IL2RA: variants seen among roughly 807,000 people sequenced by gnomAD.
IL2RA encodes interleukin 2 receptor subunit alpha.
Under a neutral mutation model 37.8 loss-of-function variants are expected in IL2RA, and 24 were observed. The observed-to-expected ratio is 0.63, with a 90% CI of 0.46 to 0.89. IL2RA has a LOEUF of 0.89. Among genes scored for constraint, IL2RA ranks in the 40% least tolerant of loss-of-function variants. IL2RA has a pLI of 0.00. For missense variants in IL2RA, 319 were observed against 348.6 expected, an observed-to-expected ratio of 0.92 and a Z score of 0.68; for synonymous variants, 125 against 114.6, an observed-to-expected ratio of 1.09 and a Z score of -0.58.
At chr10:6,053,829 TTTC>T (rs951376985) in intron 1 of IL2RA, among the ~76,000 whole-genome samples, 2 of 152,208 alleles carry the variant, frequency 1.3e-5, no homozygotes, top group African/African-American at 4.8e-5. Context: ...AACATTGCTC[TTTC>T]TTCTTCTTTT....
rs1184517555 is a variant in IL2RA at position 6,015,834 on chromosome 10, G to GAC, written c.794+2217_794+2218dup. On this transcript the variant is annotated intron_variant, in intron 7 of 7. Coordinates refer to ENST00000379959, the MANE Select transcript of IL2RA (RefSeq NM_000417.3). This position sits in a 1 kb window ranked among gnomAD's most constrained non-coding sequence, Gnocchi z 4.9. ...ACATCTGAGGGGCTTTAAAACGTACGACTATCCCAGACATAAAAGGCCACG... is the reference window on the plus strand; with the variant it reads ...ACATCTGAGGGGCTTTAAAACGTACGACACTATCCCAGACATAAAAGGCCACG... 6.6e-6 allele frequency among the ~76,000 whole-genome samples: 1 copy of GAC among 152,092 alleles called. No individual in the cohort carries two copies. Among genetic ancestry groups the GAC allele is most frequent in the Non-Finnish European group, 1.5e-5 (1 of 68,026 alleles).
At chr10:6,043,575 A>T (rs757817029) in intron 1 of IL2RA, among the ~76,000 whole-genome samples, 4 of 152,076 alleles carry the variant, frequency 2.6e-5, no homozygotes, top group African/African-American at 7.2e-5. Context: ...AGAAGCTGGG[A>T]TTACAAGCGC....
chr10:6,032,768 A>G (rs1395315923), intron 1 of IL2RA, among the ~76,000 whole-genome samples: 1 of 152,198 alleles, frequency 6.6e-6, no homozygotes, highest in East Asian at 1.9e-4. Context: ...TATATTTGTC[A>G]CAAATACTTG....
Position 6,028,395 on chromosome 10 carries a change from G to A in IL2RA, c.65-2370C>T, listed in dbSNP as rs889879204. On this transcript the variant is annotated intron_variant, in intron 1 of 7. Coordinates refer to ENST00000379959, the MANE Select transcript of IL2RA (RefSeq NM_000417.3). This position sits in a 1 kb window ranked among gnomAD's most constrained non-coding sequence, Gnocchi z 4.1. ...TGCTAAGTTTTATTTATAAAAACAG[G>A]TGTCTGAGCTGTGGGTTGTAGTTTT... is the stretch of plus-strand genomic sequence containing the variant. 5.9e-5 allele frequency among the ~76,000 whole-genome samples: 9 copies of A among 152,310 alleles called. No homozygotes were observed. In the Middle Eastern group the frequency reaches 0.01, roughly 173 times the overall value.
chr10:6,021,507 G>A lies in IL2RA; in HGVS notation c.554C>T (p.Thr185Ile), dbSNP rs2132853580. ...TRWTQPQLIC[T>I]GEMETSQFPG... ...AAACTGACTGGTCTCCATTTCACCT[G>A]TGCATATGAGCTGGGGCTGGGTCCA... The change falls in exon 4 of 8, where the codon ACA becomes ATA. Residue 185 changes from threonine to isoleucine, a missense_variant. By Grantham distance (89) the Thr-to-Ile change is moderately conservative. Coordinates refer to ENST00000379959, the MANE Select transcript of IL2RA (RefSeq NM_000417.3). The surrounding 1 kb of genome is among the most constrained non-coding windows in gnomAD (Gnocchi z 4.9). 4 of 1,614,068 alleles carry A rather than the reference G, an allele frequency of 2.5e-6. No homozygotes were observed. The highest frequency in any genetic ancestry group is 4.5e-5 in the East Asian group (2 of 44,874).
At position 6,044,198 on chromosome 10, in the gene IL2RA, G is replaced by C. The variant is rs554805563; in HGVS notation, c.64+17890C>G. 6.6e-6 allele frequency among the ~76,000 whole-genome samples: 1 copy of C among 152,250 alleles called. No homozygotes were observed. Among genetic ancestry groups the C allele is most frequent in the African/African-American group, 2.4e-5 (1 of 41,472 alleles). ...TAGTGATGCAGGACAAGCGAGCCCC[G>C]AGGTGGGGCTTAGCCCGCAAGGGTT... On this transcript the variant is annotated intron_variant, in intron 1 of 7. Transcript: ENST00000379959. The surrounding 1 kb of genome is among the most constrained non-coding windows in gnomAD (Gnocchi z 4.5).
Position 6,025,954 on chromosome 10 carries a change from TG to T in IL2RA, c.135del (p.Met46CysfsTer2). The part of the protein sequence containing the change: ...TFKAMAYKEG[T>X]MLNCECKRGF... ...CCTCTCTTGCATTCACAGTTCAACA[TG>T]GTTCCTTCCTTGTAGGCCATGGCTT... On this transcript the variant is annotated frameshift_variant, in exon 2 of 8. Transcript: ENST00000379959. LOFTEE classifies it high-confidence loss of function. This position sits in a 1 kb window ranked among gnomAD's most constrained non-coding sequence, Gnocchi z 4.4. 3 of 1,614,202 alleles carry T rather than the reference TG, an allele frequency of 1.9e-6. No homozygotes were observed. The highest frequency in any genetic ancestry group is 1.7e-6 in the Non-Finnish European group (2 of 1,180,034).
chr10:6,032,564 G>A (rs1005068763), intron 1 of IL2RA, among the ~76,000 whole-genome samples: 3 of 152,026 alleles, frequency 2.0e-5, no homozygotes, highest in African/African-American at 7.2e-5. Flanking sequence ...GTGGTGGTGT[G>A]CGCCTGTAGT....
Position 6,020,425 on chromosome 10 carries a change from C to G in IL2RA, c.584-484G>C, listed in dbSNP as rs541437033. Among the ~76,000 whole-genome samples the G allele has an allele frequency of 6.6e-6, 1 of 152,206 alleles. No homozygotes were observed. Among genetic ancestry groups the G allele is most frequent in the East Asian group, 1.9e-4 (1 of 5,180 alleles). ...GCATTCCCTGGCTGTCAGGGTGGCC[C>G]AGGGAAGCAGCTAAGGGAACAAAAC... On this transcript the variant is annotated intron_variant, in intron 4 of 7. Coordinates refer to ENST00000379959, the MANE Select transcript of IL2RA (RefSeq NM_000417.3). The surrounding 1 kb of genome is among the most constrained non-coding windows in gnomAD (Gnocchi z 5.6).
chr10:6,050,093 T>G (rs1042957921), intron 1 of IL2RA, among the ~76,000 whole-genome samples: 1 of 152,148 alleles, frequency 6.6e-6, no homozygotes, highest in African/African-American at 2.4e-5. Flanking sequence ...TGGAAATGAC[T>G]GGAGCTCTTG....
At chr10:6,023,852 C>T (rs911493407) in intron 3 of IL2RA, among the ~76,000 whole-genome samples, 1 of 152,198 alleles carries the variant, frequency 6.6e-6, no homozygotes, top group Non-Finnish European at 1.5e-5. Flanking sequence ...TTGTCTTGTG[C>T]TTAAGGGGAA....
rs567906848 is a variant in IL2RA, at chr10:6,022,752, C to G, written c.368-1059G>C. On this transcript the variant is annotated intron_variant, in intron 3 of 7. Coordinates refer to ENST00000379959, the MANE Select transcript of IL2RA (RefSeq NM_000417.3). This position sits in a 1 kb window ranked among gnomAD's most constrained non-coding sequence, Gnocchi z 4.7. ...ATGTTTGAATTGGGTTTGCTTCTTT[C>G]CAATGAAAACACCCAAACTGAGACA... Among the ~76,000 whole-genome samples, 1 of 152,344 alleles carries G rather than the reference C, an allele frequency of 6.6e-6. No homozygotes were observed. The highest frequency in any genetic ancestry group is 2.1e-4 in the South Asian group (1 of 4,830).
chr10:6,057,631 G>A lies in IL2RA; in HGVS notation c.64+4457C>T, dbSNP rs1030459985. ...TGGCCCACTTTCTGCTTCCTGCAAGGTTTATTTTCCTGCTAATTCTATTCC... is the reference window on the plus strand; with the variant it reads ...TGGCCCACTTTCTGCTTCCTGCAAGATTTATTTTCCTGCTAATTCTATTCC... On this transcript the variant is annotated intron_variant, in intron 1 of 7. Coordinates refer to ENST00000379959, the MANE Select transcript of IL2RA (RefSeq NM_000417.3). This position sits in a 1 kb window ranked among gnomAD's most constrained non-coding sequence, Gnocchi z 4.8. Among the ~76,000 whole-genome samples the A allele has an allele frequency of 3.7e-4, 56 of 152,074 alleles. No individual in the cohort carries two copies. The highest frequency in any genetic ancestry group is 1.3e-3 in the African/African-American group (55 of 41,408).
intron 3 of IL2RA, among the ~76,000 whole-genome samples, chr10:6,023,940 C>T (rs1035518451): frequency 6.6e-6 from 1 of 152,232 alleles, no homozygotes; most frequent in Admixed American, 6.5e-5. Context: ...GCCTGGCACA[C>T]AGACCCAACA....
chr10:6,030,250 A>G (rs573862683), intron 1 of IL2RA, among the ~76,000 whole-genome samples: 5 of 152,284 alleles, frequency 3.3e-5, no homozygotes, highest in African/African-American at 1.2e-4. Flanking sequence ...ATGGCCAAAA[A>G]TTTTTGAAAT....
intron 1 of IL2RA, among the ~76,000 whole-genome samples, chr10:6,043,690 G>A (rs769847198): frequency 9.2e-5 from 14 of 152,070 alleles, no homozygotes; most frequent in African/African-American, 1.7e-4. Context: ...TACCTGCCTC[G>A]GCCTCCCAAG....
At chr10:6,031,482 A>ATCTG (rs1839584154) in intron 1 of IL2RA, among the ~76,000 whole-genome samples, 1 of 31,854 alleles carries the variant, frequency 3.1e-5, no homozygotes, top group African/African-American at 1.4e-4. Context: ...ATATATATAT[A>ATCTG]TATATATATA....
In IL2RA at chr10:6,018,416, G is replaced by A. The variant is rs925106706; in HGVS notation, c.728-297C>T. Among the ~76,000 whole-genome samples the A allele has an allele frequency of 3.3e-5, 5 of 152,134 alleles. No homozygotes were observed. The highest frequency in any genetic ancestry group is 4.4e-5 in the Non-Finnish European group (3 of 68,022). ...GGCCTCGTTTAAGGACACCGAGAGC[G>A]CCTGGTAAAAGAAATGTTGAAATAT... On this transcript the variant is annotated intron_variant, in intron 6 of 7. Coordinates refer to ENST00000379959, the MANE Select transcript of IL2RA (RefSeq NM_000417.3). This position sits in a 1 kb window ranked among gnomAD's most constrained non-coding sequence, Gnocchi z 5.1.
intron 1 of IL2RA, among the ~76,000 whole-genome samples, chr10:6,042,563 C>A (rs1055320801): frequency 1.1e-4 from 17 of 151,886 alleles, no homozygotes; most frequent in Admixed American, 2.6e-4. Context: ...AAGTGGATAA[C>A]AAAAAATAAA....
Sources: gnomAD v4.1 joint callset for allele counts (sites outside exome capture counted in the v4.1 genomes callset) on GRCh38, gnomAD v4.1.1 for gene constraint, Gnocchi (gnomAD v3.1) non-coding constraint, MANE v1.5 for transcripts, NCBI Gene and HGNC (gene_info 2026-07-23, HGNC 2026-07-21) for gene names.